CASZ1: variants seen among roughly 807,000 people sequenced by gnomAD.
The protein encoded by CASZ1 is castor zinc finger 1, also known as zinc finger protein castor homolog 1.
CASZ1 carries 28 observed loss-of-function variants against 135.2 expected under a neutral mutation model. The ratio of observed to expected loss-of-function variants is 0.21; its 90% CI spans 0.15 to 0.28. CASZ1 has a LOEUF of 0.28. Ranked by LOEUF, CASZ1 falls within the 10% of genes least tolerant of loss-of-function variation. The pLI, the probability that CASZ1 is intolerant of heterozygous loss-of-function variation, is 1.00. For synonymous variants in CASZ1, 1,068 were observed against 1,073.4 expected (o/e 0.99, Z 0.10); for missense variants, 2,161 against 2,453.3 (o/e 0.88, Z 2.52).
chr1:10,663,488 A>G (rs1643121947), intron 5 of CASZ1, among the ~76,000 whole-genome samples: 1 of 152,214 alleles, frequency 6.6e-6, no homozygotes, highest in Non-Finnish European at 1.5e-5. Flanking sequence ...GGGCCCAGCT[A>G]GGGAGGAGTG....
At chr1:10,704,812 G>A (rs1473871503) in intron 3 of CASZ1, among the ~76,000 whole-genome samples, 3 of 152,224 alleles carry the variant, frequency 2.0e-5, no homozygotes, top group Admixed American at 6.5e-5. Context: ...CCTGGGGCCC[G>A]AGGCCCGGTG....
intron 1 of CASZ1, among the ~76,000 whole-genome samples, chr1:10,793,070 A>G (rs897754318): frequency 2.6e-5 from 4 of 152,232 alleles, no homozygotes; most frequent in Non-Finnish European, 5.9e-5. Context: ...AGTGTGAAAA[A>G]AATTAGCTGA....
chr1:10,647,296 C>T lies in CASZ1; in HGVS notation c.3497+505G>A. ...AAGTCACCGTTCTCCCTGCAAGGAG[C>T]CACCACCATCCAGTGAGGAGGGTCC... is the stretch of plus-strand genomic sequence containing the variant. On this transcript the variant is annotated intron_variant, in intron 16 of 20. Transcript: ENST00000377022. The surrounding 1 kb of genome is among the most constrained non-coding windows in gnomAD (Gnocchi z 4.9). The T allele has an allele frequency of 5.0e-6, 5 of 1,000,446 alleles. No homozygotes were observed. Among genetic ancestry groups the T allele is most frequent in the Non-Finnish European group, 4.8e-6 (4 of 838,114 alleles). The allele number at this position is 1,000,446 out of a possible 1,614,324, so 62.0% of individuals were successfully genotyped here.
chr1:10,639,290 G>T lies in CASZ1; in HGVS notation c.4932C>A (p.Gly1644=). Reference sequence around the variant, plus strand: ...CGGGCGGGCCGGGGTCGCCCGCGTCGCCCAGCGCCAGGCCCAGGCCGGCGG... The same window carrying T: ...CGGGCGGGCCGGGGTCGCCCGCGTCTCCCAGCGCCAGGCCCAGGCCGGCGG... The part of the protein sequence containing the change: ...SAAAGLGLAL[G]DAGDPGPPDA... The change falls in exon 21 of 21, where the codon GGC becomes GGA. Residue 1644 remains glycine (G), a synonymous_variant. Coordinates refer to ENST00000377022, the MANE Select transcript of CASZ1 (RefSeq NM_001079843.3). This position sits in a 1 kb window ranked among gnomAD's most constrained non-coding sequence, Gnocchi z 4.0. 6.3e-6 allele frequency: 8 copies of T among 1,263,128 alleles called. No homozygotes were observed. Among genetic ancestry groups the T allele is most frequent in the Non-Finnish European group, 8.0e-6 (8 of 1,002,984 alleles). The allele number at this position is 1,263,128 out of a possible 1,614,324, so 78.2% of individuals were successfully genotyped here. A position where few individuals can be genotyped will look rare whatever the true frequency, so the allele number is the denominator to read the frequency against.
rs544611504 is a variant in CASZ1 at position 10,641,393 on chromosome 1, G to T, written c.4163-1334C>A. ...TGTACTCAGGCAGCACGTGAGGCAA[G>T]AATTAGCAGAGGAGTCCGAGCCCGG... is the stretch of plus-strand genomic sequence containing the variant. On this transcript the variant is annotated intron_variant, in intron 20 of 20. Coordinates refer to ENST00000377022, the MANE Select transcript of CASZ1 (RefSeq NM_001079843.3). 2.0e-5 allele frequency among the ~76,000 whole-genome samples: 3 copies of T among 152,320 alleles called. No individual in the cohort carries two copies. In the East Asian group the frequency reaches 5.8e-4, roughly 29 times the overall value.
At position 10,742,575 on chromosome 1, in the gene CASZ1, C is replaced by T. The variant is rs140711791; in HGVS notation, c.-77+18126G>A. On this transcript the variant is annotated intron_variant, in intron 2 of 20. Transcript: ENST00000377022. ...TTTAAGATCCCTGTCTTTCATGGCT[C>T]CCCATAAAAAGGCTGAATCTAGAAG... 2.7e-3 allele frequency among the ~76,000 whole-genome samples: 408 copies of T among 152,240 alleles called. 2 individuals carry two copies. Among genetic ancestry groups the T allele is most frequent in the African/African-American group, 9.6e-3 (397 of 41,542 alleles).
chr1:10,749,469 G>A (rs1476558363), intron 2 of CASZ1, among the ~76,000 whole-genome samples: 1 of 152,048 alleles, frequency 6.6e-6, no homozygotes, highest in Non-Finnish European at 1.5e-5. Flanking sequence ...GGATGGTCTC[G>A]ATCTCCTGAT....
rs978096656 is a variant in CASZ1, at chr1:10,697,504, C to T, written c.-23-3592G>A. On this transcript the variant is annotated intron_variant, in intron 3 of 20. Transcript: ENST00000377022. This position sits in a 1 kb window ranked among gnomAD's most constrained non-coding sequence, Gnocchi z 4.7. Reference sequence around the variant, plus strand: ...GAAAAAGAAGTGGAAGGCAACCCAGCGGTTCCCCCCAACCCAGGCTCCCCA... The same window carrying T: ...GAAAAAGAAGTGGAAGGCAACCCAGTGGTTCCCCCCAACCCAGGCTCCCCA... Among the ~76,000 whole-genome samples, 10 of 152,224 alleles carry T rather than the reference C, an allele frequency of 6.6e-5. No homozygotes were observed. The highest frequency in any genetic ancestry group is 2.1e-4 in the South Asian group (1 of 4,816).
Position 10,719,932 on chromosome 1 carries a change from G to T in CASZ1, c.-76-14388C>A, listed in dbSNP as rs1460490776. Among the ~76,000 whole-genome samples, 2 of 152,256 alleles carry T rather than the reference G, an allele frequency of 1.3e-5. No homozygotes were observed. The highest frequency in any genetic ancestry group is 4.8e-5 in the African/African-American group (2 of 41,472). On this transcript the variant is annotated intron_variant, in intron 2 of 20. Transcript: ENST00000377022. This position sits in a 1 kb window ranked among gnomAD's most constrained non-coding sequence, Gnocchi z 4.0. Reference sequence around the variant, plus strand: ...GCAGTGAAGAGGCCAGCAGTGCAGAGATATGGTGCCTGAACACAGGTCCTC... The same window carrying T: ...GCAGTGAAGAGGCCAGCAGTGCAGATATATGGTGCCTGAACACAGGTCCTC...
rs1194535095 is a variant in CASZ1, at chr1:10,697,766, A to G, written c.-23-3854T>C. On this transcript the variant is annotated intron_variant, in intron 3 of 20. Transcript: ENST00000377022. This position sits in a 1 kb window ranked among gnomAD's most constrained non-coding sequence, Gnocchi z 4.7. ...TCCTTTTGTTATTGCACCCCACCCCAGGATCCCAATAAACTGGTTCCATCT... is the reference window on the plus strand; with the variant it reads ...TCCTTTTGTTATTGCACCCCACCCCGGGATCCCAATAAACTGGTTCCATCT... Among the ~76,000 whole-genome samples the G allele has an allele frequency of 6.6e-6, 1 of 152,246 alleles. No individual in the cohort carries two copies. The highest frequency in any genetic ancestry group is 1.5e-5 in the Non-Finnish European group (1 of 68,046).
chr1:10,767,849 TCGG>T lies in CASZ1; in HGVS notation c.-233-6995_-233-6993del, dbSNP rs1343509949. Among the ~76,000 whole-genome samples, 1 of 152,042 alleles carries T rather than the reference TCGG, an allele frequency of 6.6e-6. No individual in the cohort carries two copies. Among genetic ancestry groups the T allele is most frequent in the Non-Finnish European group, 1.5e-5 (1 of 68,014 alleles). On this transcript the variant is annotated intron_variant, in intron 1 of 20. Coordinates refer to ENST00000377022, the MANE Select transcript of CASZ1 (RefSeq NM_001079843.3). This position sits in a 1 kb window ranked among gnomAD's most constrained non-coding sequence, Gnocchi z 4.2. ...CCCTCGCTGGCCCTGTCCACAGCCC[TCGG>T]CCCATGAGGAGGGCCACGACCCTGG...
chr1:10,738,340 G>T (rs1045502839), intron 2 of CASZ1, among the ~76,000 whole-genome samples: 1 of 152,262 alleles, frequency 6.6e-6, no homozygotes. Flanking sequence ...AAACCCGGAA[G>T]GACGCAGAGC....
At chr1:10,718,810 G>A (rs1639441955) in intron 2 of CASZ1, among the ~76,000 whole-genome samples, 1 of 152,360 alleles carries the variant, frequency 6.6e-6, no homozygotes, top group East Asian at 1.9e-4. Context: ...TAACCTGCAG[G>A]AGCCAAATCA....
chr1:10,719,831 C>T lies in CASZ1; in HGVS notation c.-76-14287G>A, dbSNP rs548970297. Among the ~76,000 whole-genome samples, 33 of 152,348 alleles carry T rather than the reference C, an allele frequency of 2.2e-4. No homozygotes were observed. Among genetic ancestry groups the T allele is most frequent in the East Asian group, 3.9e-4 (2 of 5,184 alleles). ...CCCACAGGCCTGGAACAGGCACCTC[C>T]GGGGTTCAAAGGCCCACAGAAGCCA... On this transcript the variant is annotated intron_variant, in intron 2 of 20. Coordinates refer to ENST00000377022, the MANE Select transcript of CASZ1 (RefSeq NM_001079843.3). This position sits in a 1 kb window ranked among gnomAD's most constrained non-coding sequence, Gnocchi z 4.0.
chr1:10,750,668 C>A (rs955141692), intron 2 of CASZ1, among the ~76,000 whole-genome samples: 5 of 151,984 alleles, frequency 3.3e-5, no homozygotes, highest in Non-Finnish European at 7.4e-5. Flanking sequence ...GGGAGGCTGA[C>A]GCAGGTGGAT....
rs546984874 is a variant in CASZ1 at position 10,706,237 on chromosome 1, C to T, written c.-76-693G>A. ...TTAACCAACACGCGGCCTGGCCCAG[C>T]GTGCCAGGCTGGGGCCCTCCTGCCC... On this transcript the variant is annotated intron_variant, in intron 2 of 20. Transcript: ENST00000377022. The surrounding 1 kb of genome is among the most constrained non-coding windows in gnomAD (Gnocchi z 4.3). 1.2e-4 allele frequency among the ~76,000 whole-genome samples: 18 copies of T among 152,192 alleles called. No individual in the cohort carries two copies. The highest frequency in any genetic ancestry group is 7.2e-4 in the Admixed American group (11 of 15,290).
rs113691374 is a variant in CASZ1 at position 10,770,374 on chromosome 1, C to T, written c.-233-9517G>A. ...TGCTGGGAGTACAGGTGTGAGCTGTCGAACCTGGCCTAAATTATTTTCTTT... is the reference window on the plus strand; with the variant it reads ...TGCTGGGAGTACAGGTGTGAGCTGTTGAACCTGGCCTAAATTATTTTCTTT... On this transcript the variant is annotated intron_variant, in intron 1 of 20. Coordinates refer to ENST00000377022, the MANE Select transcript of CASZ1 (RefSeq NM_001079843.3). Among the ~76,000 whole-genome samples the T allele has an allele frequency of 3.3e-5, 5 of 152,260 alleles. No homozygotes were observed. In the East Asian group the frequency reaches 5.8e-4, roughly 18 times the overall value.
At chr1:10,678,194 G>C (rs114817050) in intron 4 of CASZ1, among the ~76,000 whole-genome samples, 1 of 152,160 alleles carries the variant, frequency 6.6e-6, no homozygotes, top group East Asian at 1.9e-4. Flanking sequence ...CACACCACCC[G>C]CCCTCCCTGC....
chr1:10,700,928 T>C lies in CASZ1; in HGVS notation c.-24+4564A>G, dbSNP rs74052167. On this transcript the variant is annotated intron_variant, in intron 3 of 20. Transcript: ENST00000377022. This position sits in a 1 kb window ranked among gnomAD's most constrained non-coding sequence, Gnocchi z 4.2. The stretch of plus-strand genomic sequence containing the variant: ...TATGAATGATATCTCAATAAAGCGG[T>C]TATTAAAAAGTGGGGGAAAGACGGG... Among the ~76,000 whole-genome samples, 400 of 152,240 alleles carry C rather than the reference T, an allele frequency of 2.6e-3. 3 individuals carry two copies. Among genetic ancestry groups the C allele is most frequent in the African/African-American group, 9.3e-3 (388 of 41,552 alleles).
Sources: allele counts gnomAD v4.1 joint callset (sites outside exome capture counted in the v4.1 genomes callset), GRCh38; gene constraint gnomAD v4.1.1; non-coding constraint Gnocchi (gnomAD v3.1); transcripts MANE v1.5; gene names NCBI Gene and HGNC (gene_info 2026-07-23, HGNC 2026-07-21).